The following SLC16A1 variants were observed in gnomAD, a reference collection of about 807,000 sequenced individuals.
SLC16A1 encodes monocarboxylate transporter 1.
In SLC16A1, 11 loss-of-function variants were observed where a neutral mutation model predicts 32.2. The observed-to-expected ratio is 0.34, with a 90% CI of 0.21 to 0.56. The LOEUF is 0.56. Ranked by LOEUF, SLC16A1 falls within the 20% of genes least tolerant of loss-of-function variation. The probability of loss-of-function intolerance (pLI) is 0.87; values close to 1 mark genes in which losing one functional copy is unlikely to be tolerated. For synonymous variants in SLC16A1, 231 were observed against 226.8 expected (o/e 1.02, Z -0.17); for missense variants, 435 against 615.0 (o/e 0.71, Z 3.10).
chr1:112,931,088 CTT>C (rs1381125540), intron 1 of SLC16A1, among the ~76,000 whole-genome samples: 1 of 152,048 alleles, frequency 6.6e-6, no homozygotes, highest in Non-Finnish European at 1.5e-5. Flanking sequence ...CTTCCATACT[CTT>C]TTCATTCTCT....
At chr1:112,925,284 C>T (rs568697932) in intron 2 of SLC16A1, among the ~76,000 whole-genome samples, 1 of 152,304 alleles carries the variant, frequency 6.6e-6, no homozygotes, top group East Asian at 1.9e-4. Flanking sequence ...ATACTGCCAC[C>T]ACTGCCTCCA....
At chr1:112,946,710 C>G (rs749539412) in intron 1 of SLC16A1, among the ~76,000 whole-genome samples, 2 of 152,116 alleles carry the variant, frequency 1.3e-5, no homozygotes, top group Non-Finnish European at 2.9e-5. Context: ...TGCACCACCA[C>G]GCCCAGCTAT....
At chr1:112,921,084 T>C (rs1452597274) in intron 3 of SLC16A1, among the ~76,000 whole-genome samples, 1 of 146,562 alleles carries the variant, frequency 6.8e-6, no homozygotes, top group South Asian at 2.1e-4. Flanking sequence ...GAGCTTGCAG[T>C]GAGCTGAGAT....
At chr1:112,921,685 T>C (rs7556664) in intron 3 of SLC16A1, among the ~76,000 whole-genome samples, 1 of 152,000 alleles carries the variant, frequency 6.6e-6, no homozygotes, top group Admixed American at 6.6e-5. Context: ...TCTATCAAAT[T>C]GCCACTCTCG....
chr1:112,915,510 C>G (rs1306061779), intron 4 of SLC16A1, among the ~76,000 whole-genome samples: 1 of 152,126 alleles, frequency 6.6e-6, no homozygotes, highest in Non-Finnish European at 1.5e-5. Context: ...AGGGAATTTG[C>G]TTTTCACCCT....
intron 1 of SLC16A1, among the ~76,000 whole-genome samples, chr1:112,948,781 G>T (rs1296108324): frequency 1.3e-5 from 2 of 151,464 alleles, no homozygotes; most frequent in African/African-American, 4.9e-5. Context: ...GGGATTATGG[G>T]CATGGCCCCT....
intron 1 of SLC16A1, among the ~76,000 whole-genome samples, chr1:112,948,349 C>T (rs987642916): frequency 2.0e-5 from 3 of 152,130 alleles, no homozygotes; most frequent in Non-Finnish European, 1.5e-5. Flanking sequence ...AAAAATGTAT[C>T]AAAGTCAGCA....
intron 1 of SLC16A1, among the ~76,000 whole-genome samples, chr1:112,949,077 C>T (rs1040303747): frequency 6.6e-6 from 1 of 151,876 alleles, no homozygotes; most frequent in Non-Finnish European, 1.5e-5. Context: ...AGGATGGTCT[C>T]GATCTCCTGA....
chr1:112,913,803 G>A lies in SLC16A1; in HGVS notation c.*88C>T. On this transcript the variant is annotated 3_prime_UTR_variant, in exon 5 of 5. Coordinates refer to ENST00000369626, the MANE Select transcript of SLC16A1 (RefSeq NM_003051.4). The stretch of plus-strand genomic sequence containing the variant: ...CACACAAATGTCTACTATTTGCATT[G>A]AGCACCACTGGTAGATTACAGGCCA... 1 of 1,472,722 alleles carries A rather than the reference G, an allele frequency of 6.8e-7. No individual in the cohort carries two copies. The highest frequency in any genetic ancestry group is 9.5e-7 in the Non-Finnish European group (1 of 1,054,536). The allele number at this position is 1,472,722 out of a possible 1,614,324, so 91.2% of individuals were successfully genotyped here.
intron 1 of SLC16A1, among the ~76,000 whole-genome samples, chr1:112,939,121 G>A (rs1480747594): frequency 6.6e-6 from 1 of 151,644 alleles, no homozygotes; most frequent in Non-Finnish European, 1.5e-5. Flanking sequence ...TCGAACTCCT[G>A]ACCTCGTGAT....
intron 3 of SLC16A1, among the ~76,000 whole-genome samples, chr1:112,919,192 G>A (rs1198374074): frequency 1.3e-5 from 2 of 151,688 alleles, no homozygotes; most frequent in African/African-American, 2.4e-5. Flanking sequence ...CACCATGCCC[G>A]GCTCATTTTT....
Position 112,917,263 on chromosome 1 carries a change from A to G in SLC16A1, c.1143T>C (p.Leu381=). 1 of 1,614,198 alleles carries G rather than the reference A, an allele frequency of 6.2e-7. No individual in the cohort carries two copies. Among genetic ancestry groups the G allele is most frequent in the Non-Finnish European group, 8.5e-7 (1 of 1,180,040 alleles). Residue 381 remains leucine, a synonymous_variant, in exon 4 of 5, where the codon CTT becomes CTC. Coordinates refer to ENST00000369626, the MANE Select transcript of SLC16A1 (RefSeq NM_003051.4). This position sits in a 1 kb window ranked among gnomAD's most constrained non-coding sequence, Gnocchi z 4.1. Reference sequence around the variant, plus strand: ...CGCTGGAGAACCTCTGGGGTCCAACAAGGTCCATCAATGTTTCAAACAATA... The same window carrying G: ...CGCTGGAGAACCTCTGGGGTCCAACGAGGTCCATCAATGTTTCAAACAATA... ...SSVLFETLMD[L]VGPQRFSSAV... is the part of the protein sequence containing the mutation.
intron 1 of SLC16A1, among the ~76,000 whole-genome samples, chr1:112,932,709 G>A (rs10857982): frequency 0.33 from 48,693 of 147,118 alleles, 8,405 homozygotes; most frequent in East Asian, 0.63. Flanking sequence ...CAGGAGAATC[G>A]CTTGAACCCA....
chr1:112,942,701 A>C (rs1203903724), intron 1 of SLC16A1, among the ~76,000 whole-genome samples: 1 of 152,256 alleles, frequency 6.6e-6, no homozygotes, highest in African/African-American at 2.4e-5. Context: ...CTGAGTAAGA[A>C]TCAATCTTCA....
chr1:112,920,167 C>T (rs1648670693), intron 3 of SLC16A1, among the ~76,000 whole-genome samples: 1 of 152,208 alleles, frequency 6.6e-6, no homozygotes, highest in African/African-American at 2.4e-5. Context: ...CAGATGTTTT[C>T]ATCCATTTGG....
At chr1:112,945,762 G>A (rs1448703242) in intron 1 of SLC16A1, among the ~76,000 whole-genome samples, 2 of 151,990 alleles carry the variant, frequency 1.3e-5, no homozygotes, top group African/African-American at 4.8e-5. Context: ...AGAGGCCGAG[G>A]CAGACAGATC....
chr1:112,924,172 C>T (rs1648849853), intron 2 of SLC16A1: 1 of 1,491,818 alleles, frequency 6.7e-7, no homozygotes, highest in Admixed American at 1.7e-5. Flanking sequence ...TACCACCACT[C>T]ACAGCTGCAG....
intron 1 of SLC16A1, among the ~76,000 whole-genome samples, chr1:112,944,661 A>G (rs1265709161): frequency 3.9e-5 from 6 of 152,214 alleles, no homozygotes; most frequent in Non-Finnish European, 1.5e-5. Flanking sequence ...ATATGTATGT[A>G]TATGCTGCTT....
intron 2 of SLC16A1, chr1:112,922,505 A>T: frequency 3.5e-6 from 1 of 288,324 alleles, no homozygotes; most frequent in Non-Finnish European, 6.6e-6. Context: ...TGGGCGCAGT[A>T]GCTCACGCCT....
Sources: allele counts gnomAD v4.1 joint callset (sites outside exome capture counted in the v4.1 genomes callset), GRCh38; gene constraint gnomAD v4.1.1; non-coding constraint Gnocchi (gnomAD v3.1); transcripts MANE v1.5; gene names NCBI Gene and HGNC (gene_info 2026-07-23, HGNC 2026-07-21).